The following MICU1 variants were observed in gnomAD, a reference collection of about 807,000 sequenced individuals.
MICU1 encodes calcium uptake protein 1, mitochondrial.
A neutral mutation model predicts 56.8 loss-of-function variants in MICU1; 45 were observed. The observed-to-expected ratio is 0.79, with a 90% CI of 0.62 to 1.02. MICU1 has a LOEUF of 1.02. MICU1 is among the 50% of genes least tolerant of loss of function. The probability of loss-of-function intolerance (pLI) is 0.00; values close to 1 mark genes in which losing one functional copy is unlikely to be tolerated. For missense variants in MICU1, 504 were observed against 587.1 expected (o/e 0.86, Z 1.46); for synonymous variants, 186 against 195.1 (o/e 0.95, Z 0.39).
chr10:72,391,784 A>T (rs1187714163), intron 10 of MICU1, among the ~76,000 whole-genome samples: 23 of 152,226 alleles, frequency 1.5e-4, no homozygotes, highest in Admixed American at 1.5e-3. Flanking sequence ...GTGAATACAT[A>T]AAAAATATAT....
intron 9 of MICU1, 57 bp downstream of exon 9, chr10:72,423,176 TA>T: frequency 1.3e-6 from 2 of 1,565,928 alleles, no homozygotes; most frequent in Non-Finnish European, 1.7e-6. Context: ...ACCTTCATAT[TA>T]AATAATAACC....
intron 6 of MICU1, among the ~76,000 whole-genome samples, chr10:72,495,970 A>ATT (rs757363312): frequency 4.8e-5 from 7 of 145,340 alleles, no homozygotes; most frequent in African/African-American, 1.5e-4. Context: ...ATCATTTGGA[A>ATT]TTTTTTTTTT....
At chr10:72,614,002 C>G (rs1841918213) in intron 1 of MICU1, among the ~76,000 whole-genome samples, 1 of 152,060 alleles carries the variant, frequency 6.6e-6, no homozygotes, top group African/African-American at 2.4e-5. Flanking sequence ...AAAAAATTAG[C>G]TGGGCGTGGT....
intron 1 of MICU1, among the ~76,000 whole-genome samples, chr10:72,569,123 AGCC>A (rs1840524296): frequency 6.7e-6 from 1 of 149,706 alleles, no homozygotes; most frequent in Non-Finnish European, 1.5e-5. Flanking sequence ...AGACCCAGAA[AGCC>A]AAAAACTATC....
chr10:72,417,972 C>T (rs1259359796), intron 9 of MICU1, among the ~76,000 whole-genome samples: 1 of 152,152 alleles, frequency 6.6e-6, no homozygotes, highest in Non-Finnish European at 1.5e-5. Context: ...CCTCAGGAAA[C>T]TTACAGTCAT....
At chr10:72,585,658 C>CAAA (rs201988384) in intron 1 of MICU1, among the ~76,000 whole-genome samples, 1 of 123,978 alleles carries the variant, frequency 8.1e-6, no homozygotes, top group African/African-American at 3.0e-5. Flanking sequence ...GACTCTTTCT[C>CAAA]AAAAAAAAAA....
At chr10:72,491,106 T>C (rs1866640607) in intron 6 of MICU1, among the ~76,000 whole-genome samples, 1 of 152,214 alleles carries the variant, frequency 6.6e-6, no homozygotes, top group Non-Finnish European at 1.5e-5. Context: ...CCGATGACCC[T>C]GTCTGTGAGA....
In MICU1 at chr10:72,381,963, TACACACAC is replaced by T. The variant is rs10535513; in HGVS notation, c.1181-6099_1181-6092del. ...AGGAGACTGTGTATATATATATCTATACACACACACACACACACACACACACACACACA... is the reference window on the plus strand; with the variant it reads ...AGGAGACTGTGTATATATATATCTATACACACACACACACACACACACACA... On this transcript the variant is annotated intron_variant, in intron 10 of 11. Transcript: ENST00000361114. 9.0e-3 allele frequency among the ~76,000 whole-genome samples: 1,250 copies of T among 138,436 alleles called. 16 individuals are homozygous for T. The highest frequency in any genetic ancestry group is 0.027 in the African/African-American group (1,027 of 37,622). The allele number at this position is 138,436 out of a possible 152,430, so 90.8% of individuals were successfully genotyped here. A position where few individuals can be genotyped will look rare whatever the true frequency, so the allele number is the denominator to read the frequency against.
intron 1 of MICU1, among the ~76,000 whole-genome samples, chr10:72,585,031 G>A (rs1841008406): frequency 6.6e-6 from 1 of 151,690 alleles, no homozygotes; most frequent in Admixed American, 6.6e-5. Flanking sequence ...GAAAGCATTT[G>A]TGGAAAACCA....
At chr10:72,548,115 G>A (rs1459011884) in intron 4 of MICU1, among the ~76,000 whole-genome samples, 1 of 152,210 alleles carries the variant, frequency 6.6e-6, no homozygotes, top group Non-Finnish European at 1.5e-5. Context: ...CAGCAGAGAT[G>A]CTCTATAGGA....
chr10:72,526,809 A>G (rs1217872076), intron 5 of MICU1, among the ~76,000 whole-genome samples: 1 of 151,932 alleles, frequency 6.6e-6, no homozygotes, highest in Non-Finnish European at 1.5e-5. Context: ...TGTGTATACG[A>G]CCTCTTAAAA....
At chr10:72,575,104 G>T (rs1840707760) in intron 1 of MICU1, among the ~76,000 whole-genome samples, 1 of 151,854 alleles carries the variant, frequency 6.6e-6, no homozygotes, top group Non-Finnish European at 1.5e-5. Context: ...TTGCTGTATT[G>T]CTAAGGCTAG....
intron 4 of MICU1, among the ~76,000 whole-genome samples, chr10:72,547,029 C>G (rs1839911762): frequency 6.6e-6 from 1 of 151,942 alleles, no homozygotes; most frequent in Non-Finnish European, 1.5e-5. Flanking sequence ...GTAGCTGGGA[C>G]TACAGGCGCT....
chr10:72,395,376 T>C, intron 10 of MICU1, among the ~76,000 whole-genome samples: 1 of 152,082 alleles, frequency 6.6e-6, no homozygotes, highest in South Asian at 2.1e-4. Context: ...ACACAGAAGA[T>C]GGGTGATTTC....
intron 6 of MICU1, among the ~76,000 whole-genome samples, chr10:72,477,756 T>A (rs1448942159): frequency 1.3e-5 from 2 of 152,216 alleles, no homozygotes; most frequent in Non-Finnish European, 2.9e-5. Flanking sequence ...TCTGGGCATG[T>A]CACCCTGCCA....
rs541216664 is a variant in MICU1, at chr10:72,420,998, G to A, written c.1071+2236C>T. On this transcript the variant is annotated intron_variant, in intron 9 of 11. Coordinates refer to ENST00000361114, the MANE Select transcript of MICU1 (RefSeq NM_001195518.2). ...GCCTGGGCAACAAGAGCGAAACTCC[G>A]TCTCAAAAAAAAAAAAAAAATAATA... Among the ~76,000 whole-genome samples the A allele has an allele frequency of 6.5e-3, 504 of 77,892 alleles. 4 individuals carry two copies. Among genetic ancestry groups the A allele is most frequent in the Middle Eastern group, 8.3e-3 (1 of 120 alleles). The allele number at this position is 77,892 out of a possible 152,430, so 51.1% of individuals were successfully genotyped here.
chr10:72,455,607 C>T (rs1865435555), intron 8 of MICU1, among the ~76,000 whole-genome samples: 1 of 152,004 alleles, frequency 6.6e-6, no homozygotes, highest in Non-Finnish European at 1.5e-5. Flanking sequence ...AAATAAGCTA[C>T]AAGATACTGC....
chr10:72,572,133 G>GA (rs1237277703), intron 1 of MICU1, among the ~76,000 whole-genome samples: 1 of 152,032 alleles, frequency 6.6e-6, no homozygotes, highest in Non-Finnish European at 1.5e-5. Context: ...TCCTCCTTGG[G>GA]AAAAAAGCTC....
intron 6 of MICU1, among the ~76,000 whole-genome samples, chr10:72,490,704 TTGC>T (rs1866626323): frequency 2.6e-5 from 4 of 152,200 alleles, no homozygotes; most frequent in Non-Finnish European, 1.5e-5. Flanking sequence ...TTGGGCAATT[TTGC>T]TGCTCTTCTG....
Sources: allele counts gnomAD v4.1 joint callset (sites outside exome capture counted in the v4.1 genomes callset), GRCh38; gene constraint gnomAD v4.1.1; transcripts MANE v1.5; gene names NCBI Gene and HGNC (gene_info 2026-07-23, HGNC 2026-07-21).